ZNF44: variants seen among roughly 807,000 people sequenced by gnomAD.
ZNF44 encodes the protein zinc finger protein 44.
In ZNF44, 9 loss-of-function variants were observed where a neutral mutation model predicts 11.7. The ratio of observed to expected loss-of-function variants is 0.77; its 90% confidence interval spans 0.46 to 1.35. The LOEUF is 1.35. ZNF44 is among the 40% of genes most tolerant of loss of function. The pLI, the probability that ZNF44 is intolerant of heterozygous loss-of-function variation, is 0.00. For missense variants in ZNF44, 696 were observed against 743.1 expected (o/e 0.94, Z 0.74); for synonymous variants, 224 against 242.7 (o/e 0.92, Z 0.72).
At chr19:12,250,093 T>G in intron 6 of ZNF44, 1 of 1,253,402 alleles carries the variant, frequency 8.0e-7, no homozygotes, top group Non-Finnish European at 1.0e-6. Flanking sequence ...TACAGAAAAA[T>G]TATTAGATTC....
At chr19:12,265,624 A>T (rs1445293816) in intron 5 of ZNF44, among the ~76,000 whole-genome samples, 1 of 152,190 alleles carries the variant, frequency 6.6e-6, no homozygotes, top group African/African-American at 2.4e-5. Context: ...AAATTTCCAA[A>T]GAGGATCCTC....
chr19:12,245,437 A>T (rs1052130604), downstream of ZNF44, among the ~76,000 whole-genome samples: 1 of 152,238 alleles, frequency 6.6e-6, no homozygotes, highest in Admixed American at 6.5e-5. Flanking sequence ...GAATGTGCAC[A>T]TGATCACATT....
At chr19:12,231,834 C>T (rs939131194) in intron 2 of ZNF44, among the ~76,000 whole-genome samples, 1 of 152,180 alleles carries the variant, frequency 6.6e-6, no homozygotes, top group Admixed American at 6.5e-5. Context: ...ATAGAGCTAT[C>T]TGAAGGGGTG....
chr19:12,272,469 C>T lies in ZNF44; in HGVS notation c.1786G>A (p.Ala596Thr). The change falls in exon 4 of 4, where the codon GCC becomes ACC. Residue 596 changes from alanine (A) to threonine (T), a missense_variant. Transcript: ENST00000355684. ...KPYECKECGK[A>T]FSSLSSFNRH... is the part of the protein sequence containing the mutation. ...TTAAAGGAACTGAGAGAACTGAAGG[C>T]TTTCCCACATTCCTTACATTCATAG... The T allele has an allele frequency of 6.3e-7, 1 of 1,599,262 alleles. No individual in the cohort carries two copies. The highest frequency in any genetic ancestry group is 8.5e-7 in the Non-Finnish European group (1 of 1,175,126).
At chr19:12,225,223 G>A (rs1256197002), downstream of ZNF44, 1 of 152,368 alleles carries the variant, frequency 6.6e-6, no homozygotes, top group African/African-American at 2.4e-5. Context: ...GCCGTCTGTA[G>A]ATATTTTTGG....
upstream of ZNF44, chr19:12,237,909 C>G (rs1379047080): frequency 1.3e-5 from 2 of 152,296 alleles, no homozygotes; most frequent in Admixed American, 6.5e-5. Flanking sequence ...TGGGCCCTTT[C>G]TGTTTCTTCC....
At chr19:12,247,326 A>G, downstream of ZNF44, 1 of 1,284,620 alleles carries the variant, frequency 7.8e-7, no homozygotes, top group Non-Finnish European at 1.0e-6. Flanking sequence ...TGCACGCCAA[A>G]TGAAGGCGTT....
At chr19:12,243,216 T>C (rs571173290), downstream of ZNF44, among the ~76,000 whole-genome samples, 36 of 152,258 alleles carry the variant, frequency 2.4e-4, no homozygotes, top group African/African-American at 8.7e-4. Context: ...GATGTATATA[T>C]ATACATTCTG....
intron 1 of ZNF44, among the ~76,000 whole-genome samples, chr19:12,292,484 C>A (rs1968048198): frequency 6.6e-6 from 1 of 152,056 alleles, no homozygotes; most frequent in Non-Finnish European, 1.5e-5. Context: ...CTGAACAAAT[C>A]TTTTCAGGGT....
intron 3 of ZNF44, among the ~76,000 whole-genome samples, chr19:12,227,955 A>T (rs1273089837): frequency 1.3e-5 from 2 of 152,198 alleles, no homozygotes; most frequent in African/African-American, 4.8e-5. Flanking sequence ...TTAATGTTTG[A>T]CCATAAGGTA....
chr19:12,247,158 G>A (rs938188557), downstream of ZNF44: 14 of 364,222 alleles, frequency 3.8e-5, no homozygotes, highest in African/African-American at 2.8e-4. Flanking sequence ...CCTGAATTAA[G>A]TTATATCAGG....
chr19:12,243,321 C>G (rs1214302363), downstream of ZNF44, among the ~76,000 whole-genome samples: 4 of 152,140 alleles, frequency 2.6e-5, no homozygotes, highest in Non-Finnish European at 5.9e-5. Flanking sequence ...GGTTTTTAAC[C>G]TTTGACCAAC....
chr19:12,227,754 A>G (rs1915981661), intron 3 of ZNF44, among the ~76,000 whole-genome samples: 1 of 152,248 alleles, frequency 6.6e-6, no homozygotes, highest in African/African-American at 2.4e-5. Flanking sequence ...GGAGTCTCCC[A>G]TAACTTTGAA....
At chr19:12,247,391 T>C (rs764740159), downstream of ZNF44, 6 of 1,306,264 alleles carry the variant, frequency 4.6e-6, no homozygotes, top group South Asian at 4.9e-5. Context: ...TCATGTGCAC[T>C]CGAAAGCCTG....
intron 1 of ZNF44, among the ~76,000 whole-genome samples, chr19:12,292,616 C>CA (rs1293296293): frequency 6.6e-6 from 1 of 152,138 alleles, no homozygotes. Context: ...AAGTGCTCAG[C>CA]AACCACATTC....
At chr19:12,293,489 C>T (rs369690216) in intron 1 of ZNF44, 1 of 968,006 alleles carries the variant, frequency 1.0e-6, no homozygotes, top group African/African-American at 1.6e-5. Context: ...TTTTTTACAG[C>T]AGTGTCAGGT....
chr19:12,275,152 GAAC>G (rs1437577189), intron 2 of ZNF44, 119 bp from the exon 3 acceptor site: 3 of 666,498 alleles, frequency 4.5e-6, no homozygotes, highest in African/African-American at 1.9e-5. Flanking sequence ...GTTGACTCCT[GAAC>G]AACACAGGTT....
At chr19:12,239,756 T>C (rs1381825369), upstream of ZNF44, among the ~76,000 whole-genome samples, 6 of 151,370 alleles carry the variant, frequency 4.0e-5, no homozygotes, top group East Asian at 1.2e-3. Flanking sequence ...GTATTTTTAG[T>C]AGAGATGGGG....
At chr19:12,247,262 T>C (rs1352295356), downstream of ZNF44, 1 of 1,184,366 alleles carries the variant, frequency 8.4e-7, no homozygotes, top group East Asian at 6.0e-5. Context: ...CTTTCGATAT[T>C]TACATTTATA....
Sources: allele counts gnomAD v4.1 joint callset (sites outside exome capture counted in the v4.1 genomes callset), GRCh38; gene constraint gnomAD v4.1.1; transcripts MANE v1.5; gene names NCBI Gene and HGNC (gene_info 2026-07-23, HGNC 2026-07-21).